The following IGF2BP3 variants were observed in gnomAD, a reference collection of about 807,000 sequenced individuals.
The protein encoded by IGF2BP3 is insulin-like growth factor 2 mRNA-binding protein 3.
IGF2BP3 carries 9 observed loss-of-function variants against 73.8 expected under a neutral mutation model. The ratio of observed to expected loss-of-function variants is 0.12; its 90% CI spans 0.07 to 0.21. The LOEUF is 0.21. Ranked by LOEUF, IGF2BP3 falls within the 10% of genes least tolerant of loss-of-function variation. The pLI, the probability that IGF2BP3 is intolerant of heterozygous loss-of-function variation, is 1.00. For missense variants in IGF2BP3, 542 were observed against 714.0 expected (o/e 0.76, Z 2.75); for synonymous variants, 258 against 256.7 (o/e 1.01, Z -0.05).
chr7:23,434,091 T>TAAA lies in IGF2BP3; in HGVS notation c.237-15270_237-15268dup, dbSNP rs11362019. Among the ~76,000 whole-genome samples the TAAA allele has an allele frequency of 8.4e-4, 109 of 129,526 alleles. 1 individual carries two copies. The highest frequency in any genetic ancestry group is 3.0e-3 in the African/African-American group (102 of 34,270). 85.0% of individuals were successfully genotyped at this position (129,526 alleles called of 152,430 possible). On this transcript the variant is annotated intron_variant, in intron 2 of 14. Transcript: ENST00000258729. ...AGACTCTGTCTGGAAAAATTAAAATTAAAAAAAAAAAAAAAAAGAAAAAGT... is the reference window on the plus strand; with the variant it reads ...AGACTCTGTCTGGAAAAATTAAAATTAAAAAAAAAAAAAAAAAAAAGAAAAAGT...
Position 23,317,668 on chromosome 7 carries a change from T to C in IGF2BP3, c.1366A>G (p.Ile456Val). ...APDAKVRMVI[I>V]TGPPEAQFKA... is the part of the protein sequence containing the mutation. ...AACTGAGCCTCTGGTGGTCCAGTGATAATCACCATCCTCACTTTAGCATCT... is the reference window on the plus strand; with the variant it reads ...AACTGAGCCTCTGGTGGTCCAGTGACAATCACCATCCTCACTTTAGCATCT... Residue 456 changes from isoleucine (I) to valine (V), a missense_variant, in exon 12 of 15, where the codon ATC becomes GTC. Ile to Val is a conservative substitution (Grantham distance 29). Coordinates refer to ENST00000258729, the MANE Select transcript of IGF2BP3 (RefSeq NM_006547.3). 1 of 1,614,124 alleles carries C rather than the reference T, an allele frequency of 6.2e-7. No individual in the cohort carries two copies. Among genetic ancestry groups the C allele is most frequent in the Non-Finnish European group, 8.5e-7 (1 of 1,179,946 alleles).
intron 10 of IGF2BP3, among the ~76,000 whole-genome samples, chr7:23,341,761 A>T (rs1562685691): frequency 3.3e-5 from 5 of 151,876 alleles, no homozygotes. Context: ...AGAATAAAAA[A>T]AAAAGAAAAA....
intron 7 of IGF2BP3, among the ~76,000 whole-genome samples, chr7:23,347,009 A>G (rs1341896239): frequency 1.3e-5 from 2 of 152,196 alleles, no homozygotes; most frequent in African/African-American, 4.8e-5. Context: ...TCTACAAATT[A>G]AGGTTGGTAA....
chr7:23,447,700 T>C (rs989779922), intron 2 of IGF2BP3, among the ~76,000 whole-genome samples: 9 of 152,002 alleles, frequency 5.9e-5, no homozygotes, highest in East Asian at 1.9e-4. Flanking sequence ...AGGCTGGGCA[T>C]AGGGACTCAC....
intron 3 of IGF2BP3, among the ~76,000 whole-genome samples, chr7:23,407,960 C>CG (rs57634623): frequency 1.3e-3 from 85 of 65,994 alleles, no homozygotes; most frequent in East Asian, 0.01. Flanking sequence ...GGGCGGGGGG[C>CG]GGGGGGGGGG....
At chr7:23,312,526 C>T (rs753074208) in intron 14 of IGF2BP3, 66 bp from the exon 15 acceptor site, 21 of 1,133,730 alleles carry the variant, frequency 1.9e-5, no homozygotes, top group Non-Finnish European at 2.7e-5. Context: ...TGTACTCCTT[C>T]ATTTCAACAA....
chr7:23,325,368 A>T (rs1784265077), intron 10 of IGF2BP3, among the ~76,000 whole-genome samples: 1 of 152,208 alleles, frequency 6.6e-6, no homozygotes, highest in South Asian at 2.1e-4. Flanking sequence ...CTTACAAGGG[A>T]TGTGACGGAC....
rs554430509 is a variant in IGF2BP3 at position 23,320,077 on chromosome 7, A to ATTT, written c.1204-826_1204-824dup. 2.5e-3 allele frequency among the ~76,000 whole-genome samples: 363 copies of ATTT among 142,572 alleles called. 2 individuals are homozygous for ATTT. The highest frequency in any genetic ancestry group is 8.6e-3 in the African/African-American group (337 of 39,060). The allele number at this position is 142,572 out of a possible 152,430, so 93.5% of individuals were successfully genotyped here. A position where few individuals can be genotyped will look rare whatever the true frequency, so the allele number is the denominator to read the frequency against. On this transcript the variant is annotated intron_variant, in intron 10 of 14. Transcript: ENST00000258729. Reference sequence around the variant, plus strand: ...AGGCACTTGTCACCACACCCGGCTAATTTTTTTTTTTTTTTGTAGAGATAG... The same window carrying ATTT: ...AGGCACTTGTCACCACACCCGGCTAATTTTTTTTTTTTTTTTTTGTAGAGATAG...
chr7:23,372,386 T>A (rs188035426), intron 3 of IGF2BP3, among the ~76,000 whole-genome samples: 1 of 152,130 alleles, frequency 6.6e-6, no homozygotes. Context: ...GTGAATAAGT[T>A]CTTTAGTGGT....
At chr7:23,427,548 C>T (rs1001806247) in intron 2 of IGF2BP3, among the ~76,000 whole-genome samples, 2 of 151,816 alleles carry the variant, frequency 1.3e-5, no homozygotes, top group Non-Finnish European at 2.9e-5. Flanking sequence ...GGCAATATAG[C>T]GAGACCTCGT....
chr7:23,392,718 T>C (rs1216683484), intron 3 of IGF2BP3, among the ~76,000 whole-genome samples: 1 of 152,008 alleles, frequency 6.6e-6, no homozygotes, highest in Admixed American at 6.6e-5. Context: ...CAGCCTCGAC[T>C]TCCCAGGCTC....
chr7:23,363,574 T>G (rs1669658885), intron 3 of IGF2BP3, among the ~76,000 whole-genome samples: 2 of 152,252 alleles, frequency 1.3e-5, no homozygotes, highest in Admixed American at 1.3e-4. Flanking sequence ...GGTTAATACC[T>G]ATTTATGAGT....
chr7:23,418,651 T>G, intron 3 of IGF2BP3, 125 bp downstream of exon 3: 1 of 623,116 alleles, frequency 1.6e-6, no homozygotes, highest in Non-Finnish European at 2.8e-6. Context: ...AAGGCACGGG[T>G]CATAGGAGAA....
rs1489133675 is a variant in IGF2BP3, at chr7:23,424,185, T to C, written c.237-5361A>G. ...ACCAGAGGGGAAATACGGTAAATTT[T>C]AGTTCTCAGGCTAATAGATTAAAAA... On this transcript the variant is annotated intron_variant, in intron 2 of 14. Transcript: ENST00000258729. Among the ~76,000 whole-genome samples, 7 of 149,834 alleles carry C rather than the reference T, an allele frequency of 4.7e-5. No homozygotes were observed. The East Asian group carries it at 1.4e-3, about 31-fold the overall frequency.
intron 13 of IGF2BP3, among the ~76,000 whole-genome samples, chr7:23,313,253 A>G (rs1783883602): frequency 6.6e-6 from 1 of 152,258 alleles, no homozygotes; most frequent in African/African-American, 2.4e-5. Flanking sequence ...TGTTCCATAA[A>G]AAGCTAAAGT....
chr7:23,375,110 A>G (rs1032175864), intron 3 of IGF2BP3, among the ~76,000 whole-genome samples: 13 of 152,306 alleles, frequency 8.5e-5, no homozygotes, highest in Admixed American at 8.5e-4. Context: ...ACTGTTTTAA[A>G]CATTTTATAT....
chr7:23,356,426 A>G (rs1785098698), intron 5 of IGF2BP3, among the ~76,000 whole-genome samples: 1 of 151,842 alleles, frequency 6.6e-6, no homozygotes, highest in South Asian at 2.1e-4. Context: ...GTGTAGTGGC[A>G]CATGCCTGTA....
chr7:23,465,880 G>C (rs1200599787), intron 2 of IGF2BP3, among the ~76,000 whole-genome samples: 1 of 152,106 alleles, frequency 6.6e-6, no homozygotes, highest in African/African-American at 2.4e-5. Context: ...TAGGTGCTGG[G>C]CATGTGGTCA....
intron 2 of IGF2BP3, among the ~76,000 whole-genome samples, chr7:23,439,608 T>C (rs1562754704): frequency 6.7e-6 from 1 of 149,272 alleles, no homozygotes; most frequent in Non-Finnish European, 1.5e-5. Context: ...CTTATGATAA[T>C]GTAGGTTGTG....
Sources: gnomAD v4.1 joint callset for allele counts (sites outside exome capture counted in the v4.1 genomes callset) on GRCh38, gnomAD v4.1.1 for gene constraint, MANE v1.5 for transcripts, NCBI Gene and HGNC (gene_info 2026-07-23, HGNC 2026-07-21) for gene names.